Variants in GCNT1 observed in about 807,000 individuals in gnomAD.
GCNT1 encodes glucosaminyl (N-acetyl) transferase 1.
In GCNT1, 16 loss-of-function variants were observed where a neutral mutation model predicts 26.2. The ratio of observed to expected loss-of-function variants is 0.61; its 90% CI spans 0.41 to 0.93. The LOEUF (loss-of-function observed/expected upper bound fraction) is 0.93, where lower values mean the gene tolerates loss of function less well. Ranked by LOEUF, GCNT1 falls within the 40% of genes least tolerant of loss-of-function variation. The probability of loss-of-function intolerance (pLI) is 0.00; values close to 1 mark genes in which losing one functional copy is unlikely to be tolerated. For synonymous variants in GCNT1, 183 were observed against 190.8 expected, an observed-to-expected ratio of 0.96 and a Z score of 0.34; for missense variants, 477 against 526.7, an observed-to-expected ratio of 0.91 and a Z score of 0.92.
intron 2 of GCNT1, among the ~76,000 whole-genome samples, chr9:76,466,174 G>C (rs1279904808): frequency 6.6e-6 from 1 of 152,232 alleles, no homozygotes; most frequent in African/African-American, 2.4e-5. Context: ...TAGAGGAAGA[G>C]AGGCCTGTTA....
the GCNT1 span, among the ~76,000 whole-genome samples, chr9:76,409,279 T>C: frequency 1.3e-5 from 2 of 152,212 alleles, no homozygotes; most frequent in African/African-American, 4.8e-5. Flanking sequence ...TCCCAGCATT[T>C]GTAGTGATGT....
upstream of GCNT1, among the ~76,000 whole-genome samples, chr9:76,418,341 A>T (rs1587401562): frequency 6.6e-6 from 1 of 152,198 alleles, no homozygotes. Context: ...TACTAGACTT[A>T]AAGTCTGTGT....
intron 2 of GCNT1, among the ~76,000 whole-genome samples, chr9:76,495,126 C>T (rs1158412692): frequency 2.0e-5 from 3 of 152,106 alleles, no homozygotes; most frequent in Non-Finnish European, 2.9e-5. Flanking sequence ...GAAAGGGGTC[C>T]GATGGTACTC....
Position 76,505,026 on chromosome 9 carries a change from C to T in GCNT1, c.*1358C>T, listed in dbSNP as rs1049387970. 2.4e-6 allele frequency: 1 copy of T among 412,798 alleles called. No homozygotes were observed. Among genetic ancestry groups the T allele is most frequent in the Admixed American group, 4.4e-5 (1 of 22,688 alleles). 25.6% of individuals were successfully genotyped at this position (412,798 alleles called of 1,614,324 possible). ...TAATGCTGTCACACATCTCAAAGTACATTCAAATCTTAAAAAGAAATTCTC... is the reference window on the plus strand; with the variant it reads ...TAATGCTGTCACACATCTCAAAGTATATTCAAATCTTAAAAAGAAATTCTC... On this transcript the variant is annotated 3_prime_UTR_variant, in exon 4 of 4. Transcript: ENST00000376730.
At chr9:76,450,295 C>T (rs184110760) in intron 1 of GCNT1, among the ~76,000 whole-genome samples, 5 of 152,228 alleles carry the variant, frequency 3.3e-5, no homozygotes, top group African/African-American at 4.8e-5. Flanking sequence ...ATAGCATATG[C>T]GTAAATTCCT....
intron 2 of GCNT1, among the ~76,000 whole-genome samples, chr9:76,468,646 TG>T (rs1251977905): frequency 6.6e-6 from 1 of 151,894 alleles, no homozygotes; most frequent in Non-Finnish European, 1.5e-5. Flanking sequence ...TACGTAAGAG[TG>T]GTTGAGTTTA....
At chr9:76,485,001 C>A (rs1202416041) in intron 2 of GCNT1, among the ~76,000 whole-genome samples, 3 of 152,038 alleles carry the variant, frequency 2.0e-5, no homozygotes, top group African/African-American at 4.8e-5. Context: ...GTTGGCCAGG[C>A]TTGTCTCAAA....
upstream of GCNT1, among the ~76,000 whole-genome samples, chr9:76,458,486 T>A (rs1386916558): frequency 6.7e-6 from 1 of 149,334 alleles, no homozygotes; most frequent in Non-Finnish European, 1.5e-5. Flanking sequence ...CCGGCCAGAA[T>A]TTTTTTTAAA....
chr9:76,499,987 T>C (rs1475799900), intron 2 of GCNT1, among the ~76,000 whole-genome samples: 2 of 152,216 alleles, frequency 1.3e-5, no homozygotes, highest in Non-Finnish European at 1.5e-5. Context: ...CTTTCAGTTA[T>C]TTAGTTCTTT....
intron 1 of GCNT1, among the ~76,000 whole-genome samples, chr9:76,422,124 T>C (rs1587403190): frequency 6.6e-6 from 1 of 152,216 alleles, no homozygotes; most frequent in East Asian, 1.9e-4. Flanking sequence ...ACTCACTCAC[T>C]GTCATGAGAA....
chr9:76,472,346 C>T (rs1824149037), intron 2 of GCNT1, among the ~76,000 whole-genome samples: 1 of 152,274 alleles, frequency 6.6e-6, no homozygotes, highest in African/African-American at 2.4e-5. Flanking sequence ...TGTCAGATGT[C>T]TCTTTTGGGG....
chr9:76,393,910 C>CA, the GCNT1 span: 1 of 596,514 alleles, frequency 1.7e-6, no homozygotes, highest in East Asian at 3.2e-5. Context: ...GAAGCAGGGA[C>CA]AAGCTCCCTC....
intron 1 of GCNT1, among the ~76,000 whole-genome samples, chr9:76,427,524 C>G (rs1364708393): frequency 6.6e-6 from 1 of 151,936 alleles, no homozygotes; most frequent in African/African-American, 2.4e-5. Context: ...GTATTACCTT[C>G]TGAAGAAAAA....
intron 2 of GCNT1, among the ~76,000 whole-genome samples, chr9:76,496,759 A>G (rs619429): frequency 6.6e-6 from 1 of 152,020 alleles, no homozygotes; most frequent in Admixed American, 6.6e-5. Flanking sequence ...TTAAAAGTCA[A>G]GTACCAAGAA....
intron 2 of GCNT1, among the ~76,000 whole-genome samples, chr9:76,481,590 G>A (rs1419248411): frequency 6.6e-6 from 1 of 151,876 alleles, no homozygotes; most frequent in Non-Finnish European, 1.5e-5. Context: ...ATCTTTATAG[G>A]TCTTAATTTT....
upstream of GCNT1, among the ~76,000 whole-genome samples, chr9:76,454,830 C>CTCTTT (rs1255672518): frequency 1.4e-5 from 2 of 146,038 alleles, no homozygotes; most frequent in African/African-American, 2.5e-5. Context: ...TCAATTAAAC[C>CTCTTT]TCTTTTCTTT....
At chr9:76,500,801 C>G (rs183888053) in intron 2 of GCNT1, 115 bp from the exon 3 acceptor site, 8 of 152,140 alleles carry the variant, frequency 5.3e-5, no homozygotes, top group Admixed American at 1.3e-4. Flanking sequence ...GTTAACCACC[C>G]ATAATTTTGA....
intron 2 of GCNT1, among the ~76,000 whole-genome samples, chr9:76,495,661 G>GTC (rs1331935224): frequency 6.6e-6 from 1 of 152,084 alleles, no homozygotes; most frequent in Non-Finnish European, 1.5e-5. Context: ...GCACTGATTG[G>GTC]TGCATTTACA....
intron 2 of GCNT1, among the ~76,000 whole-genome samples, chr9:76,464,503 C>T (rs1823952015): frequency 6.6e-6 from 1 of 152,206 alleles, no homozygotes; most frequent in Non-Finnish European, 1.5e-5. Flanking sequence ...AGGTGTAAGC[C>T]ACCATCCCTG....
Sources: gnomAD v4.1 joint callset for allele counts (sites outside exome capture counted in the v4.1 genomes callset) on GRCh38, gnomAD v4.1.1 for gene constraint, MANE v1.5 for transcripts, NCBI Gene and HGNC (gene_info 2026-07-23, HGNC 2026-07-21) for gene names.